MARCHF1: variants seen among roughly 807,000 people sequenced by gnomAD.
The protein encoded by MARCHF1 is E3 ubiquitin-protein ligase MARCHF1.
A neutral mutation model predicts 54.2 loss-of-function variants in MARCHF1; 40 were observed. That is an observed-to-expected ratio of 0.74 (90% CI 0.57 to 0.96). The LOEUF is 0.96. MARCHF1 is among the 40% of genes least tolerant of loss of function. MARCHF1 has a pLI of 0.00. For missense variants in MARCHF1, 586 were observed against 656.5 expected, an observed-to-expected ratio of 0.89 and a Z score of 1.17; for synonymous variants, 236 against 236.3, an observed-to-expected ratio of 1.00 and a Z score of 0.01.
At chr4:164,055,019 T>C (rs1186729206) in intron 2 of MARCHF1, among the ~76,000 whole-genome samples, 1 of 152,206 alleles carries the variant, frequency 6.6e-6, no homozygotes, top group Non-Finnish European at 1.5e-5. Flanking sequence ...TTAAATTCTC[T>C]GTTTAATCTG....
intron 1 of MARCHF1, among the ~76,000 whole-genome samples, chr4:164,197,991 G>A (rs1296452147): frequency 2.6e-5 from 4 of 152,014 alleles, no homozygotes; most frequent in Non-Finnish European, 5.9e-5. Flanking sequence ...GAATACACAA[G>A]GCACTCCCCT....
intron 3 of MARCHF1, among the ~76,000 whole-genome samples, chr4:163,930,229 G>A (rs1316958555): frequency 2.6e-5 from 4 of 150,954 alleles, no homozygotes; most frequent in Non-Finnish European, 4.4e-5. Context: ...CATTTCTTGG[G>A]GTGGGAAAAC....
At position 163,940,907 on chromosome 4, in the gene MARCHF1, C is replaced by G. The variant is rs187768425; in HGVS notation, c.-39+47594G>C. Among the ~76,000 whole-genome samples the G allele has an allele frequency of 3.5e-3, 529 of 152,146 alleles. 4 individuals are homozygous for G. Among genetic ancestry groups the G allele is most frequent in the African/African-American group, 0.012 (492 of 41,516 alleles). On this transcript the variant is annotated intron_variant, in intron 3 of 9. Coordinates refer to ENST00000514618, the MANE Select transcript of MARCHF1 (RefSeq NM_001394959.1). ...CATATAAAGTTTGGATCAGAGTAAACTCTCAATAAATACTTGTTTTCATAA... is the reference window on the plus strand; with the variant it reads ...CATATAAAGTTTGGATCAGAGTAAAGTCTCAATAAATACTTGTTTTCATAA...
chr4:164,345,379 G>T (rs932593684), intron 1 of MARCHF1, among the ~76,000 whole-genome samples: 3 of 151,896 alleles, frequency 2.0e-5, no homozygotes, highest in African/African-American at 7.3e-5. Flanking sequence ...CCAGCCTGGG[G>T]AACATGGTGA....
chr4:163,555,418 A>C (rs1037306789), intron 8 of MARCHF1, among the ~76,000 whole-genome samples: 15 of 152,208 alleles, frequency 9.9e-5, no homozygotes, highest in Non-Finnish European at 1.5e-5. Flanking sequence ...ATATCCCCCC[A>C]AAAAACTCAC....
At chr4:163,687,608 A>G (rs1228540182) in intron 5 of MARCHF1, among the ~76,000 whole-genome samples, 1 of 152,214 alleles carries the variant, frequency 6.6e-6, no homozygotes, top group Non-Finnish European at 1.5e-5. Flanking sequence ...TAAAGGTAAA[A>G]ATAAAGAGCC....
intron 3 of MARCHF1, among the ~76,000 whole-genome samples, chr4:163,868,304 T>G (rs1444215391): frequency 1.3e-5 from 2 of 151,832 alleles, no homozygotes; most frequent in Non-Finnish European, 2.9e-5. Flanking sequence ...GCTGTCTACA[T>G]GAAAAATACA....
rs972492732 is a variant in MARCHF1 at position 163,549,218 on chromosome 4, C to G, written c.1192-3475G>C. 3.3e-5 allele frequency among the ~76,000 whole-genome samples: 5 copies of G among 152,182 alleles called. 1 individual carries two copies. Among genetic ancestry groups the G allele is most frequent in the African/African-American group, 7.2e-5 (3 of 41,444 alleles). The stretch of plus-strand genomic sequence containing the variant: ...CTTGAGCTCCGCTTTGGAGATGACT[C>G]TATGTTAGTTTTTCCCACATGCCCC... On this transcript the variant is annotated intron_variant, in intron 8 of 9. Transcript: ENST00000514618.
chr4:164,100,099 C>A (rs1233414913), intron 2 of MARCHF1, among the ~76,000 whole-genome samples: 2 of 152,168 alleles, frequency 1.3e-5, no homozygotes, highest in African/African-American at 4.8e-5. Flanking sequence ...TACACTTATT[C>A]ATTCAAACTC....
At chr4:163,927,443 G>A (rs1751561040) in intron 3 of MARCHF1, among the ~76,000 whole-genome samples, 1 of 151,594 alleles carries the variant, frequency 6.6e-6, no homozygotes, top group Non-Finnish European at 1.5e-5. Context: ...TTTCATGTGA[G>A]GAAAAAAGGG....
At chr4:164,285,680 G>GATCCACCAGCGACCTCGTA (rs1734128171) in intron 1 of MARCHF1, among the ~76,000 whole-genome samples, 1 of 151,634 alleles carries the variant, frequency 6.6e-6, no homozygotes, top group Non-Finnish European at 1.5e-5. Context: ...CTGACCTCGT[G>GATCCACCAGCGACCTCGTA]ATCCACCAGC....
rs1733055987 is a variant in MARCHF1, at chr4:164,249,363, C to T, written c.-323+134507G>A. The stretch of plus-strand genomic sequence containing the variant: ...TTTTGATGTATGGGAATGAAGAAGA[C>T]ATTCTGAGGCCCTGAGGCAGAGAGG... On this transcript the variant is annotated intron_variant, in intron 1 of 9. Coordinates refer to ENST00000514618, the MANE Select transcript of MARCHF1 (RefSeq NM_001394959.1). Among the ~76,000 whole-genome samples the T allele has an allele frequency of 2.6e-5, 4 of 152,086 alleles. 1 individual carries two copies. The South Asian group carries it at 6.2e-4, about 24-fold the overall frequency.
At chr4:163,931,671 T>C (rs1452993606) in intron 3 of MARCHF1, among the ~76,000 whole-genome samples, 1 of 152,182 alleles carries the variant, frequency 6.6e-6, no homozygotes, top group Non-Finnish European at 1.5e-5. Context: ...ACTAAAACAA[T>C]GGTGAATATA....
At chr4:163,912,205 T>C (rs1452694980) in intron 3 of MARCHF1, among the ~76,000 whole-genome samples, 1 of 152,158 alleles carries the variant, frequency 6.6e-6, no homozygotes, top group Non-Finnish European at 1.5e-5. Flanking sequence ...AGAATTTAGA[T>C]ATTAGCCACA....
intron 8 of MARCHF1, among the ~76,000 whole-genome samples, chr4:163,548,805 T>C (rs1271390206): frequency 6.6e-6 from 1 of 152,214 alleles, no homozygotes; most frequent in Non-Finnish European, 1.5e-5. Context: ...CAGTATGTTT[T>C]GCAAGCCTTA....
At chr4:164,383,515 T>A (rs1382342734) in intron 1 of MARCHF1, 1 of 152,312 alleles carries the variant, frequency 6.6e-6, no homozygotes, top group Non-Finnish European at 1.5e-5. Flanking sequence ...ACCACGCCGG[T>A]GTAAACAGCG....
In MARCHF1 at chr4:164,073,405, C is replaced by T. The variant is rs141109757; in HGVS notation, c.-248+38183G>A. Among the ~76,000 whole-genome samples, 788 of 152,074 alleles carry T rather than the reference C, an allele frequency of 5.2e-3. 6 individuals carry two copies. Among genetic ancestry groups the T allele is most frequent in the African/African-American group, 0.018 (751 of 41,472 alleles). ...GCAAACTAACACAAGAAGAGAAAAC[C>T]AAACACTGCATGTTCTCACTCATAA... is the stretch of plus-strand genomic sequence containing the variant. On this transcript the variant is annotated intron_variant, in intron 2 of 9. Transcript: ENST00000514618.
intron 1 of MARCHF1, among the ~76,000 whole-genome samples, chr4:164,138,835 T>C (rs1166226590): frequency 6.6e-6 from 1 of 152,170 alleles, no homozygotes; most frequent in Non-Finnish European, 1.5e-5. Flanking sequence ...TGTGTAGGCA[T>C]GTAGGTATTT....
chr4:163,843,725 GTTC>G (rs1749406085), intron 4 of MARCHF1, among the ~76,000 whole-genome samples: 1 of 151,692 alleles, frequency 6.6e-6, no homozygotes. Context: ...AGTGTGTGTT[GTTC>G]TTCTCCTTGT....
Sources: gnomAD v4.1 joint callset for allele counts (sites outside exome capture counted in the v4.1 genomes callset) on GRCh38, gnomAD v4.1.1 for gene constraint, MANE v1.5 for transcripts, NCBI Gene and HGNC (gene_info 2026-07-23, HGNC 2026-07-21) for gene names.